EDIL3: variants seen among roughly 807,000 people sequenced by gnomAD.
The protein encoded by EDIL3 is EGF-like repeat and discoidin I-like domain-containing protein 3.
Under a neutral mutation model 67.4 loss-of-function variants are expected in EDIL3, and 37 were observed. The ratio of observed to expected loss-of-function variants is 0.55; its 90% CI spans 0.42 to 0.72. The LOEUF (loss-of-function observed/expected upper bound fraction) is 0.72. EDIL3 is among the 30% of genes least tolerant of loss of function. The probability of loss-of-function intolerance (pLI) is 0.00; values close to 1 mark genes in which losing one functional copy is unlikely to be tolerated. For missense variants in EDIL3, 527 were observed against 586.3 expected (o/e 0.90, Z 1.04); for synonymous variants, 195 against 196.3 (o/e 0.99, Z 0.05).
At chr5:83,983,298 TA>T (rs1745002894) in intron 9 of EDIL3, among the ~76,000 whole-genome samples, 1 of 152,176 alleles carries the variant, frequency 6.6e-6, no homozygotes, top group Admixed American at 6.6e-5. Context: ...TTTGCATTTT[TA>T]AAACTTACTG....
chr5:84,024,104 T>G (rs896918359), intron 9 of EDIL3, among the ~76,000 whole-genome samples: 7 of 152,192 alleles, frequency 4.6e-5, no homozygotes, highest in African/African-American at 1.7e-4. Flanking sequence ...GCAAACCTTA[T>G]CAGAGGCAAT....
At chr5:84,207,024 T>C (rs1333937090) in intron 3 of EDIL3, among the ~76,000 whole-genome samples, 5 of 152,054 alleles carry the variant, frequency 3.3e-5, no homozygotes, top group Non-Finnish European at 7.4e-5. Context: ...CTATTCAACA[T>C]AGTGTTGGAA....
chr5:83,960,647 A>G (rs1214060971), intron 10 of EDIL3, among the ~76,000 whole-genome samples: 1 of 151,010 alleles, frequency 6.6e-6, no homozygotes, highest in Admixed American at 6.6e-5. Flanking sequence ...GGGCCTTAAC[A>G]TTCATTTGAA....
Position 84,352,120 on chromosome 5 carries a change from A to T in EDIL3, c.67+32188T>A, listed in dbSNP as rs1443076390. Reference sequence around the variant, plus strand: ...CACATCAGTCAGCATGACTTCTATTAAAAAAATTAAAAAAACAACAGATGT... The same window carrying T: ...CACATCAGTCAGCATGACTTCTATTTAAAAAATTAAAAAAACAACAGATGT... On this transcript the variant is annotated intron_variant, in intron 1 of 10. Transcript: ENST00000296591. Among the ~76,000 whole-genome samples, 4 of 151,782 alleles carry T rather than the reference A, an allele frequency of 2.6e-5. No homozygotes were observed. In the East Asian group the frequency reaches 7.7e-4, roughly 29 times the overall value.
intron 10 of EDIL3, among the ~76,000 whole-genome samples, chr5:83,959,145 C>T (rs188200770): frequency 2.7e-5 from 4 of 149,778 alleles, no homozygotes; most frequent in Admixed American, 6.7e-5. Context: ...TGTGTGTGTA[C>T]ACATGTATAT....
chr5:84,134,399 T>C (rs1305988767), intron 5 of EDIL3, among the ~76,000 whole-genome samples: 2 of 152,168 alleles, frequency 1.3e-5, no homozygotes, highest in Non-Finnish European at 2.9e-5. Context: ...GGGACATGCA[T>C]GATACAAAGT....
chr5:84,117,017 C>CTTT (rs1165510374), intron 5 of EDIL3, among the ~76,000 whole-genome samples: 16 of 93,098 alleles, frequency 1.7e-4, no homozygotes, highest in Admixed American at 2.4e-4. Context: ...AAGTTAAGTA[C>CTTT]TTATTTTTTT....
chr5:84,314,911 A>AT (rs1561254510), intron 1 of EDIL3, among the ~76,000 whole-genome samples: 1 of 152,114 alleles, frequency 6.6e-6, no homozygotes, highest in African/African-American at 2.4e-5. Context: ...AAATATAAAT[A>AT]TTTTTTGAAT....
At chr5:84,033,305 C>A (rs1375524647) in intron 9 of EDIL3, among the ~76,000 whole-genome samples, 1 of 152,126 alleles carries the variant, frequency 6.6e-6, no homozygotes, top group Admixed American at 6.6e-5. Flanking sequence ...ATCACTTGAC[C>A]ACTGAGGATT....
chr5:84,137,226 CACGTGAATACTT>C lies in EDIL3; in HGVS notation c.469+3_469+14del, dbSNP rs1748109775. The C allele has an allele frequency of 5.7e-6, 9 of 1,584,110 alleles. No individual in the cohort carries two copies. Among genetic ancestry groups the C allele is most frequent in the Non-Finnish European group, 7.8e-6 (9 of 1,155,630 alleles). ...ACACACACACACACACACATACACA[CACGTGAATACTT>C]ACTGTATTGACAATTTCTTCCCATA... On this transcript the variant is annotated splice_donor_5th_base_variant and intron_variant, in intron 5 of 10. Coordinates refer to ENST00000296591, the MANE Select transcript of EDIL3 (RefSeq NM_005711.5).
At chr5:84,330,263 C>T (rs1746842430) in intron 1 of EDIL3, among the ~76,000 whole-genome samples, 1 of 152,136 alleles carries the variant, frequency 6.6e-6, no homozygotes, top group African/African-American at 2.4e-5. Flanking sequence ...AGCTCTGAAA[C>T]TGTTCTGTAA....
At chr5:84,172,336 T>A (rs768177554) in intron 4 of EDIL3, among the ~76,000 whole-genome samples, 2 of 152,134 alleles carry the variant, frequency 1.3e-5, no homozygotes, top group Non-Finnish European at 2.9e-5. Context: ...AATCCCAGCA[T>A]GTTGGGAGGC....
At chr5:84,118,422 C>G (rs1747712678) in intron 5 of EDIL3, among the ~76,000 whole-genome samples, 1 of 152,136 alleles carries the variant, frequency 6.6e-6, no homozygotes, top group Non-Finnish European at 1.5e-5. Context: ...ATACAATTTA[C>G]AAATGCAGGT....
intron 1 of EDIL3, among the ~76,000 whole-genome samples, chr5:84,293,072 T>C (rs1745960869): frequency 1.3e-5 from 2 of 152,306 alleles, no homozygotes; most frequent in African/African-American, 4.8e-5. Context: ...TCTTCCCTTT[T>C]ATGGGCTGAC....
intron 1 of EDIL3, among the ~76,000 whole-genome samples, chr5:84,320,340 C>A (rs1746610097): frequency 6.6e-6 from 1 of 152,000 alleles, no homozygotes; most frequent in Admixed American, 6.6e-5. Flanking sequence ...GCAGCATTGA[C>A]ATCACTAAAA....
chr5:84,127,612 A>G (rs1747890399), intron 5 of EDIL3, among the ~76,000 whole-genome samples: 1 of 152,130 alleles, frequency 6.6e-6, no homozygotes, highest in South Asian at 2.1e-4. Context: ...TAGCTTCCAC[A>G]TTAAAAGTAT....
chr5:84,254,141 A>C lies in EDIL3; in HGVS notation c.139T>G (p.Ser47Ala). The change falls in exon 2 of 11, where the codon TCC becomes GCC. Residue 47 changes from serine to alanine, a missense_variant. Coordinates refer to ENST00000296591, the MANE Select transcript of EDIL3 (RefSeq NM_005711.5). ...GTGAAGCCATCTGGACACTCACAGGAAAAGGAACCATCAGCCAATCCTGGC... is the reference window on the plus strand; with the variant it reads ...GTGAAGCCATCTGGACACTCACAGGCAAAGGAACCATCAGCCAATCCTGGC... ...CLPGLADGSFSCECPDGFTDP... is the reference protein window; with the variant it reads ...CLPGLADGSFACECPDGFTDP... The C allele has an allele frequency of 1.2e-6, 2 of 1,612,816 alleles. No homozygotes were observed. The highest frequency in any genetic ancestry group is 8.5e-7 in the Non-Finnish European group (1 of 1,179,292).
intron 4 of EDIL3, among the ~76,000 whole-genome samples, chr5:84,138,349 C>T (rs751302247): frequency 2.5e-4 from 38 of 152,192 alleles, no homozygotes; most frequent in Non-Finnish European, 1.8e-4. Context: ...AAGTGAGCTC[C>T]ACAAATGAAG....
intron 3 of EDIL3, among the ~76,000 whole-genome samples, chr5:84,218,277 T>C (rs1220317408): frequency 6.6e-6 from 1 of 152,204 alleles, no homozygotes; most frequent in Non-Finnish European, 1.5e-5. Context: ...ATGACAGTAT[T>C]TAATACTCTT....
Sources: gnomAD v4.1 joint callset for allele counts (sites outside exome capture counted in the v4.1 genomes callset) on GRCh38, gnomAD v4.1.1 for gene constraint, MANE v1.5 for transcripts, NCBI Gene and HGNC (gene_info 2026-07-23, HGNC 2026-07-21) for gene names.